Variants in COL27A1 observed in about 807,000 individuals in gnomAD.
COL27A1 encodes collagen type XXVII alpha 1 chain.
Under a neutral mutation model 251.3 loss-of-function variants are expected in COL27A1, and 106 were observed. The observed-to-expected ratio is 0.42, with a 90% CI of 0.36 to 0.50. The LOEUF (loss-of-function observed/expected upper bound fraction) is 0.50, where lower values mean the gene tolerates loss of function less well. COL27A1 is among the 20% of genes least tolerant of loss of function. The pLI is 0.00. For missense variants in COL27A1, 2,325 were observed against 2,522.8 expected, an observed-to-expected ratio of 0.92 and a Z score of 1.68; for synonymous variants, 1,000 against 986.3, an observed-to-expected ratio of 1.01 and a Z score of -0.26.
Position 114,235,511 on chromosome 9 carries a change from CA to C in COL27A1, c.2566-87del, listed in dbSNP as rs889838257. ...TCCGACTTGGGAAACAGCCTCGGCA[CA>C]GCTGTACCTCGCCAGGGGGTCTGTG... On this transcript the variant is annotated intron_variant, in intron 16 of 60. Transcript: ENST00000356083. 5.3e-5 allele frequency: 53 copies of C among 999,350 alleles called. No homozygotes were observed. The Admixed American group carries it at 7.4e-4, about 14-fold the overall frequency. 61.9% of individuals were successfully genotyped at this position (999,350 alleles called of 1,614,324 possible).
Position 114,236,989 on chromosome 9 carries a change from G to A in COL27A1, c.2628G>A (p.Gln876=). The A allele has an allele frequency of 6.2e-7, 1 of 1,613,144 alleles. No homozygotes were observed. Among genetic ancestry groups the A allele is most frequent in the Non-Finnish European group, 8.5e-7 (1 of 1,179,572 alleles). The change falls in exon 18 of 61, where the codon CAG becomes CAA. Residue 876 remains glutamine (Q), a synonymous_variant. Transcript: ENST00000356083. ...DPGFQGDKGS[Q]GLPGFPGARG... is the part of the protein sequence containing the mutation. ...CTCTGGATCTCTTCCAGGGGAGCCA[G>A]GGGTTGCCAGGGTTCCCCGGTGCAC...
chr9:114,168,587 T>C lies in COL27A1; in HGVS notation c.1032T>C (p.Ser344=), dbSNP rs188197626. ...TGCTCCCAGCCTCTGTTGGCGGCTC[T>C]ACCAGAACGCCTCGCCCTGCGGCCG... ...DPMLPASVGG[S]TRTPRPAAAQ... The change falls in exon 3 of 61, where the codon TCT becomes TCC. Residue 344 remains serine, a synonymous_variant. Transcript: ENST00000356083. 3,014 of 1,614,140 alleles carry C rather than the reference T, an allele frequency of 1.9e-3. 56 individuals are homozygous for C. In the South Asian group the frequency reaches 0.023, roughly 13 times the overall value.
chr9:114,197,496 A>T (rs969295800), intron 7 of COL27A1, among the ~76,000 whole-genome samples: 1 of 152,090 alleles, frequency 6.6e-6, no homozygotes, highest in Non-Finnish European at 1.5e-5. Context: ...TTTCTGATGG[A>T]TGAGGTGTGA....
intron 5 of COL27A1, among the ~76,000 whole-genome samples, chr9:114,189,791 C>G (rs1333870145): frequency 6.6e-6 from 1 of 152,076 alleles, no homozygotes; most frequent in African/African-American, 2.4e-5. Flanking sequence ...CTAGATAGCT[C>G]TCATCTAGTG....
At chr9:114,282,206 G>A (rs916144277) in intron 37 of COL27A1, 71 bp from the exon 38 acceptor site, 69 of 1,426,948 alleles carry the variant, frequency 4.8e-5, no homozygotes, top group African/African-American at 3.8e-4. Context: ...CAGTCTGACC[G>A]CCTTGCGGAT....
Position 114,168,753 on chromosome 9 carries a change from G to C in COL27A1, c.1198G>C (p.Ala400Pro). ...AGCTCCATCTTCATTTACAAAGTCA[G>C]CCCTACCCACTCAGAAGCAAGTGCC... ...KTAPSSFTKS[A>P]LPTQKQVPPT... Residue 400 changes from alanine (A) to proline (P), a missense_variant, in exon 3 of 61, where the codon GCC (alanine) becomes CCC (proline). Physicochemically the swap from Ala to Pro is conservative, Grantham distance 27. Around this residue, in one of 4 missense-constraint regions of COL27A1, gnomAD observed 1,183 missense variants for 1,144.1 expected, o/e 1.03. Coordinates refer to ENST00000356083, the MANE Select transcript of COL27A1 (RefSeq NM_032888.4). The C allele has an allele frequency of 6.2e-7, 1 of 1,613,918 alleles. No homozygotes were observed. The highest frequency in any genetic ancestry group is 8.5e-7 in the Non-Finnish European group (1 of 1,180,024).
Position 114,252,929 on chromosome 9 carries a change from C to T in COL27A1, c.3138C>T (p.Pro1046=). The change falls in exon 27 of 61, where the codon CCC becomes CCT. Residue 1046 remains proline, a synonymous_variant. Transcript: ENST00000356083. Reference sequence around the variant, plus strand: ...TGGGGACCCCTGGAGAGCCTGGACCCCAGGTAAGCAAAGCCCTCGTGATCC... The same window carrying T: ...TGGGGACCCCTGGAGAGCCTGGACCTCAGGTAAGCAAAGCCCTCGTGATCC... ...GGMGTPGEPG[P]QGPPGSRGPP... The T allele has an allele frequency of 6.2e-7, 1 of 1,612,504 alleles. No individual in the cohort carries two copies. The highest frequency in any genetic ancestry group is 8.5e-7 in the Non-Finnish European group (1 of 1,179,010).
At position 114,209,804 on chromosome 9, in the gene COL27A1, C is replaced by A. The variant is rs945695405; in HGVS notation, c.2322+76C>A. On this transcript the variant is annotated intron_variant, in intron 11 of 60. Coordinates refer to ENST00000356083, the MANE Select transcript of COL27A1 (RefSeq NM_032888.4). ...CAGAGCAGAACCTGCCAGGCACCAGCCTGGGGAAGTCAAGGAATTCCTCCT... is the reference window on the plus strand; with the variant it reads ...CAGAGCAGAACCTGCCAGGCACCAGACTGGGGAAGTCAAGGAATTCCTCCT... 1.3e-5 allele frequency: 18 copies of A among 1,426,792 alleles called. No individual in the cohort carries two copies. The African/African-American group carries it at 1.4e-4, about 11-fold the overall frequency. The allele number at this position is 1,426,792 out of a possible 1,614,324, so 88.4% of individuals were successfully genotyped here. A position where few individuals can be genotyped will look rare whatever the true frequency, so the allele number is the denominator to read the frequency against.
At chr9:114,197,297 C>T (rs1167547834) in intron 7 of COL27A1, among the ~76,000 whole-genome samples, 1 of 152,152 alleles carries the variant, frequency 6.6e-6, no homozygotes, top group Non-Finnish European at 1.5e-5. Flanking sequence ...AGCCCCATGA[C>T]ACAGGGGGCC....
chr9:114,257,703 C>T (rs1834024330), intron 27 of COL27A1, among the ~76,000 whole-genome samples: 1 of 152,128 alleles, frequency 6.6e-6, no homozygotes, highest in African/African-American at 2.4e-5. Context: ...TGATCCTCTC[C>T]CACTCTGCCC....
At chr9:114,213,916 A>G (rs1441417058) in intron 12 of COL27A1, among the ~76,000 whole-genome samples, 1 of 152,124 alleles carries the variant, frequency 6.6e-6, no homozygotes, top group Non-Finnish European at 1.5e-5. Flanking sequence ...GTTCCCTGGC[A>G]CTGGGGTGTC....
chr9:114,173,882 G>A (rs1444392219), intron 3 of COL27A1, among the ~76,000 whole-genome samples: 1 of 152,038 alleles, frequency 6.6e-6, no homozygotes. Context: ...TACTAACCTG[G>A]GGTTAGTCGG....
intron 41 of COL27A1, among the ~76,000 whole-genome samples, chr9:114,287,422 G>T (rs1329748106): frequency 6.6e-6 from 1 of 152,116 alleles, no homozygotes; most frequent in Non-Finnish European, 1.5e-5. Context: ...TAGTTGAAAG[G>T]TGGCGTCTAC....
At chr9:114,239,287 C>A (rs1832600382) in intron 19 of COL27A1, among the ~76,000 whole-genome samples, 1 of 152,240 alleles carries the variant, frequency 6.6e-6, no homozygotes, top group East Asian at 1.9e-4. Context: ...CCACCCCAGG[C>A]AGACTTCTTT....
rs1250460541 is a variant in COL27A1 at position 114,264,348 on chromosome 9, AT to A, written c.3196-5del. 1 of 1,589,886 alleles carries A rather than the reference AT, an allele frequency of 6.3e-7. No homozygotes were observed. Among genetic ancestry groups the A allele is most frequent in the Admixed American group, 1.7e-5 (1 of 58,060 alleles). On this transcript the variant is annotated splice_region_variant and splice_polypyrimidine_tract_variant and intron_variant, in intron 28 of 60. Transcript: ENST00000356083. ...TCCGGTGTGCTAGTCCCTTTTTCCT[AT>A]TCCAGGGCCCCCGAGGACCGGACGG... is the stretch of plus-strand genomic sequence containing the variant.
chr9:114,197,644 C>A (rs1175712148), intron 7 of COL27A1, among the ~76,000 whole-genome samples: 2 of 152,186 alleles, frequency 1.3e-5, no homozygotes, highest in Non-Finnish European at 2.9e-5. Flanking sequence ...GGTGCCAGGG[C>A]TCCTTGCATT....
intron 41 of COL27A1, among the ~76,000 whole-genome samples, chr9:114,288,017 A>G (rs1220051129): frequency 6.6e-6 from 1 of 152,170 alleles, no homozygotes; most frequent in African/African-American, 2.4e-5. Context: ...GGCGTCGCGC[A>G]TCATTCCACG....
intron 28 of COL27A1, 128 bp downstream of exon 28, chr9:114,258,722 C>T: frequency 4.2e-6 from 4 of 951,092 alleles, no homozygotes; most frequent in Admixed American, 2.1e-5. Context: ...TTTCATAGCA[C>T]AAGGCAAGGT....
intron 49 of COL27A1, among the ~76,000 whole-genome samples, chr9:114,298,649 T>G (rs1828409530): frequency 6.6e-6 from 1 of 152,178 alleles, no homozygotes; most frequent in South Asian, 2.1e-4. Context: ...AAAAATTAGC[T>G]AAAAATGAAG....
Sources: allele counts gnomAD v4.1 joint callset (sites outside exome capture counted in the v4.1 genomes callset), GRCh38; gene constraint gnomAD v4.1.1; regional missense constraint gnomAD v4.1.1; transcripts MANE v1.5; gene names NCBI Gene and HGNC (gene_info 2026-07-23, HGNC 2026-07-21).